SPRYD7: variants seen among roughly 807,000 people sequenced by gnomAD.
SPRYD7 encodes SPRY domain containing 7, also known as SPRY domain-containing protein 7.
In SPRYD7, 14 loss-of-function variants were observed where a neutral mutation model predicts 23.8. The ratio of observed to expected loss-of-function variants is 0.59; its 90% CI spans 0.39 to 0.92. The LOEUF (loss-of-function observed/expected upper bound fraction) is 0.92, where lower values mean the gene tolerates loss of function less well. Ranked by LOEUF, SPRYD7 falls within the 40% of genes least tolerant of loss-of-function variation. The pLI is 0.00. For missense variants in SPRYD7, 194 were observed against 241.7 expected, an observed-to-expected ratio of 0.80 and a Z score of 1.31; for synonymous variants, 75 against 84.9, an observed-to-expected ratio of 0.88 and a Z score of 0.64.
chr13:49,917,828 T>C (rs552647407), intron 4 of SPRYD7, among the ~76,000 whole-genome samples: 1 of 152,330 alleles, frequency 6.6e-6, no homozygotes, highest in African/African-American at 2.4e-5. Context: ...CTTTTAGGCT[T>C]ACCCAATATG....
chr13:49,934,317 G>C (rs1386446055), intron 1 of SPRYD7, among the ~76,000 whole-genome samples: 1 of 151,966 alleles, frequency 6.6e-6, no homozygotes, highest in East Asian at 1.9e-4. Context: ...CAGCACTTTG[G>C]GAGGCTGAGA....
intron 3 of SPRYD7, among the ~76,000 whole-genome samples, chr13:49,925,744 G>T (rs180979879): frequency 3.3e-5 from 5 of 151,678 alleles, no homozygotes; most frequent in African/African-American, 9.7e-5. Context: ...CCCAGGAGGT[G>T]TAGCTTGCAG....
At position 49,914,918 on chromosome 13, in the gene SPRYD7, GGT is replaced by G. The variant is rs1253968268; in HGVS notation, c.*143_*144del. ...GTATTTTAAATCACAACTTCAGGGTGGTATACTGAATACATTGGTTCCTTAGA... is the reference window on the plus strand; with the variant it reads ...GTATTTTAAATCACAACTTCAGGGTGATACTGAATACATTGGTTCCTTAGA... On this transcript the variant is annotated 3_prime_UTR_variant, in exon 5 of 5. Transcript: ENST00000361840. 2.4e-6 allele frequency: 1 copy of G among 423,348 alleles called. No individual in the cohort carries two copies. Among genetic ancestry groups the G allele is most frequent in the African/African-American group, 2.1e-5 (1 of 48,290 alleles). 26.2% of individuals were successfully genotyped at this position (423,348 alleles called of 1,614,324 possible).
intron 4 of SPRYD7, among the ~76,000 whole-genome samples, chr13:49,919,838 C>G (rs372373441): frequency 3.3e-4 from 47 of 142,240 alleles, no homozygotes; most frequent in African/African-American, 1.2e-3. Flanking sequence ...ACCTTTTTTT[C>G]GAGATACAAA....
At chr13:49,925,984 A>T (rs1008327364) in intron 3 of SPRYD7, among the ~76,000 whole-genome samples, 3 of 152,206 alleles carry the variant, frequency 2.0e-5, no homozygotes, top group Admixed American at 6.5e-5. Context: ...AGAATGGTAC[A>T]TGACTTAAAT....
chr13:49,916,614 AAAAG>A (rs578082835), intron 4 of SPRYD7, among the ~76,000 whole-genome samples: 149 of 152,210 alleles, frequency 9.8e-4, no homozygotes, highest in Admixed American at 5.1e-3. Flanking sequence ...TTAAAAAAAA[AAAAG>A]AAAGAAAAAC....
intron 1 of SPRYD7, 81 bp downstream of exon 1, chr13:49,936,046 GGGA>G: frequency 1.2e-6 from 1 of 868,628 alleles, no homozygotes; most frequent in East Asian, 3.3e-5. Flanking sequence ...GGGCAGCGTG[GGGA>G]CCCTCTGACC....
intron 3 of SPRYD7, among the ~76,000 whole-genome samples, chr13:49,927,188 A>C (rs2138230877): frequency 6.6e-6 from 1 of 152,322 alleles, no homozygotes; most frequent in South Asian, 2.1e-4. Context: ...ATAGAATTTC[A>C]TAACAAATTA....
chr13:49,924,254 T>A (rs1336156108), intron 3 of SPRYD7, among the ~76,000 whole-genome samples: 1 of 152,034 alleles, frequency 6.6e-6, no homozygotes, highest in Non-Finnish European at 1.5e-5. Context: ...CCCAAAGTGC[T>A]GGGATTACAG....
intron 3 of SPRYD7, among the ~76,000 whole-genome samples, chr13:49,927,091 G>A (rs1241992566): frequency 6.6e-6 from 1 of 152,098 alleles, no homozygotes; most frequent in South Asian, 2.1e-4. Context: ...TCAAGCTTTA[G>A]GATTTTGAGT....
chr13:49,918,832 A>C (rs1955782692), intron 4 of SPRYD7, among the ~76,000 whole-genome samples: 1 of 151,620 alleles, frequency 6.6e-6, no homozygotes, highest in African/African-American at 2.4e-5. Context: ...TTCCTGTCTC[A>C]GCCTCCCATG....
chr13:49,932,311 T>C (rs1871419886), intron 1 of SPRYD7, among the ~76,000 whole-genome samples: 1 of 152,202 alleles, frequency 6.6e-6, no homozygotes. Flanking sequence ...TTAAAATGTT[T>C]ATTAAGATAG....
chr13:49,923,547 A>G (rs929696738), intron 3 of SPRYD7, among the ~76,000 whole-genome samples: 2 of 152,106 alleles, frequency 1.3e-5, no homozygotes, highest in East Asian at 1.9e-4. Flanking sequence ...CCCAGCCTCA[A>G]ACAAGCAAGT....
At chr13:49,934,762 G>A (rs909658540) in intron 1 of SPRYD7, among the ~76,000 whole-genome samples, 7 of 152,130 alleles carry the variant, frequency 4.6e-5, no homozygotes, top group Non-Finnish European at 1.0e-4. Context: ...CTCCAAAGAG[G>A]AGACTGCAGT....
At chr13:49,926,081 C>T (rs1955879825) in intron 3 of SPRYD7, among the ~76,000 whole-genome samples, 1 of 152,276 alleles carries the variant, frequency 6.6e-6, no homozygotes, top group South Asian at 2.1e-4. Context: ...AATTTGTTCT[C>T]CAGTGTTTGA....
intron 1 of SPRYD7, among the ~76,000 whole-genome samples, chr13:49,931,775 C>CCCAT (rs1871394764): frequency 6.6e-6 from 1 of 151,930 alleles, no homozygotes; most frequent in Non-Finnish European, 1.5e-5. Flanking sequence ...CTTGCAAAAC[C>CCCAT]CCATCTCTAT....
intron 4 of SPRYD7, among the ~76,000 whole-genome samples, chr13:49,918,715 AT>A (rs1343901054): frequency 1.4e-5 from 2 of 140,674 alleles, no homozygotes; most frequent in African/African-American, 5.3e-5. Flanking sequence ...ATTTTATTTT[AT>A]TTTATTTTTT....
At chr13:49,927,034 G>A (rs994666340) in intron 3 of SPRYD7, among the ~76,000 whole-genome samples, 1 of 151,934 alleles carries the variant, frequency 6.6e-6, no homozygotes, top group African/African-American at 2.4e-5. Context: ...TTAATAACGT[G>A]TAACTTTTAC....
At position 49,915,129 on chromosome 13, in the gene SPRYD7, G is replaced by T; in HGVS notation, c.525C>A (p.Phe175Leu). ...GTGGAGGCGTATGATAAAACTCACTGAACTGGCAATCCAAAATTGCACTGT... is the reference window on the plus strand; with the variant it reads ...GTGGAGGCGTATGATAAAACTCACTTAACTGGCAATCCAAAATTGCACTGT... ...VDDSAILDCQ[F>L]SEFYHTPPPG... Residue 175 changes from phenylalanine to leucine, a missense_variant, in exon 5 of 5, where the codon TTC (phenylalanine) becomes TTA (leucine). By Grantham distance (22) the Phe-to-Leu change is conservative. Transcript: ENST00000361840. 1.3e-6 allele frequency: 2 copies of T among 1,571,382 alleles called. No individual in the cohort carries two copies. The highest frequency in any genetic ancestry group is 2.4e-5 in the South Asian group (2 of 83,588).
Sources: allele counts gnomAD v4.1 joint callset (sites outside exome capture counted in the v4.1 genomes callset), GRCh38; gene constraint gnomAD v4.1.1; transcripts MANE v1.5; gene names NCBI Gene and HGNC (gene_info 2026-07-23, HGNC 2026-07-21).